Variants in PCDH9 observed in about 807,000 individuals in gnomAD.
PCDH9 encodes the protein protocadherin 9, also known as protocadherin-9.
PCDH9 carries 24 observed loss-of-function variants against 70.6 expected under a neutral mutation model. The observed-to-expected ratio is 0.34, with a 90% CI of 0.25 to 0.48. The LOEUF (loss-of-function observed/expected upper bound fraction) is 0.48, where lower values mean the gene tolerates loss of function less well. Ranked by LOEUF, PCDH9 falls within the 20% of genes least tolerant of loss-of-function variation. The probability of loss-of-function intolerance (pLI) is 0.99; values close to 1 mark genes in which losing one functional copy is unlikely to be tolerated. For missense variants in PCDH9, 1,281 were observed against 1,503.6 expected (o/e 0.85, Z 2.45); for synonymous variants, 562 against 558.5 (o/e 1.01, Z -0.09).
At chr13:66,422,887 A>G (rs1325231707) in intron 4 of PCDH9, among the ~76,000 whole-genome samples, 1 of 152,102 alleles carries the variant, frequency 6.6e-6, no homozygotes, top group East Asian at 1.9e-4. Context: ...TTTGAAAAAG[A>G]TTAACAAAAT....
chr13:66,695,599 T>C (rs2078551280), intron 3 of PCDH9, among the ~76,000 whole-genome samples: 1 of 152,224 alleles, frequency 6.6e-6, no homozygotes, highest in African/African-American at 2.4e-5. Context: ...TCAGTTTAGA[T>C]ACTGTGCTAT....
chr13:66,654,798 T>G (rs1001490407), intron 3 of PCDH9, among the ~76,000 whole-genome samples: 1 of 152,120 alleles, frequency 6.6e-6, no homozygotes, highest in Non-Finnish European at 1.5e-5. Flanking sequence ...GCCTTTGACC[T>G]CTTGAGTTCA....
chr13:67,159,056 A>C (rs1352889238), intron 2 of PCDH9, among the ~76,000 whole-genome samples: 1 of 152,170 alleles, frequency 6.6e-6, no homozygotes, highest in African/African-American at 2.4e-5. Flanking sequence ...AGAACCATAA[A>C]AGGAGATGCT....
At chr13:66,544,909 A>G (rs758130224) in intron 4 of PCDH9, among the ~76,000 whole-genome samples, 1 of 152,062 alleles carries the variant, frequency 6.6e-6, no homozygotes, top group Non-Finnish European at 1.5e-5. Context: ...ATCTTGTTTT[A>G]CTCAGCAGGG....
intron 4 of PCDH9, among the ~76,000 whole-genome samples, chr13:66,573,855 A>G (rs2076773235): frequency 6.6e-6 from 1 of 152,068 alleles, no homozygotes; most frequent in South Asian, 2.1e-4. Context: ...CCATCCCACT[A>G]TCGGGTTCTT....
At chr13:66,697,097 CAAA>C (rs1437747009) in intron 3 of PCDH9, among the ~76,000 whole-genome samples, 3 of 151,774 alleles carry the variant, frequency 2.0e-5, no homozygotes, top group Admixed American at 2.0e-4. Context: ...AACCCTACCT[CAAA>C]AATATTTTTA....
chr13:66,856,948 T>A (rs1007922803), intron 3 of PCDH9, among the ~76,000 whole-genome samples: 3 of 152,056 alleles, frequency 2.0e-5, no homozygotes, highest in Non-Finnish European at 4.4e-5. Flanking sequence ...TTTTTTCATA[T>A]AAAAATAAAG....
At chr13:66,341,998 T>C (rs983505715) in intron 4 of PCDH9, among the ~76,000 whole-genome samples, 7 of 152,174 alleles carry the variant, frequency 4.6e-5, no homozygotes, top group Admixed American at 4.6e-4. Flanking sequence ...AAAAGAGAAG[T>C]CTTGCCTCTT....
At chr13:66,711,971 C>A (rs2078800844) in intron 3 of PCDH9, among the ~76,000 whole-genome samples, 1 of 152,114 alleles carries the variant, frequency 6.6e-6, no homozygotes. Context: ...TTGCATGATC[C>A]CTTTCCAGCT....
At chr13:66,559,923 A>G (rs1245219599) in intron 4 of PCDH9, among the ~76,000 whole-genome samples, 1 of 151,278 alleles carries the variant, frequency 6.6e-6, no homozygotes, top group African/African-American at 2.4e-5. Context: ...ACTTCACCAT[A>G]CTGTATTTTC....
intron 3 of PCDH9, among the ~76,000 whole-genome samples, chr13:66,740,209 T>G (rs899139084): frequency 1.4e-5 from 2 of 141,482 alleles, no homozygotes; most frequent in African/African-American, 5.3e-5. Context: ...CTCAACTACA[T>G]GGAAACTGAA....
chr13:66,912,918 G>C (rs1037481165), intron 2 of PCDH9, among the ~76,000 whole-genome samples: 1 of 151,936 alleles, frequency 6.6e-6, no homozygotes, highest in Non-Finnish European at 1.5e-5. Flanking sequence ...CTAGTATTTT[G>C]GTTATATTTC....
intron 2 of PCDH9, among the ~76,000 whole-genome samples, chr13:67,141,613 G>C (rs1380015243): frequency 2.0e-5 from 3 of 151,654 alleles, no homozygotes; most frequent in Non-Finnish European, 4.4e-5. Flanking sequence ...GCTAATTTTT[G>C]TATTTCCATT....
At chr13:66,422,222 A>G (rs1957580064) in intron 4 of PCDH9, among the ~76,000 whole-genome samples, 1 of 152,104 alleles carries the variant, frequency 6.6e-6, no homozygotes, top group South Asian at 2.1e-4. Flanking sequence ...AGACTTTAAC[A>G]CCCCACTGTC....
intron 4 of PCDH9, among the ~76,000 whole-genome samples, chr13:66,530,299 A>G (rs1383923488): frequency 6.6e-6 from 1 of 151,968 alleles, no homozygotes; most frequent in East Asian, 1.9e-4. Context: ...AGACTTCATT[A>G]TTTTTCGACA....
At chr13:66,954,795 G>A (rs908848880) in intron 2 of PCDH9, among the ~76,000 whole-genome samples, 2 of 152,118 alleles carry the variant, frequency 1.3e-5, no homozygotes, top group African/African-American at 2.4e-5. Flanking sequence ...ACGGAGTCTC[G>A]CTCTGTCACC....
chr13:66,393,110 G>A (rs1369992435), intron 4 of PCDH9, among the ~76,000 whole-genome samples: 2 of 152,108 alleles, frequency 1.3e-5, no homozygotes, highest in Non-Finnish European at 2.9e-5. Flanking sequence ...AGACTTCACT[G>A]TTCTAAGTGT....
At chr13:66,777,539 A>G (rs979422940) in intron 3 of PCDH9, among the ~76,000 whole-genome samples, 2 of 152,230 alleles carry the variant, frequency 1.3e-5, no homozygotes, top group Non-Finnish European at 2.9e-5. Context: ...AATGCTCACC[A>G]TCACTGGCCA....
intron 4 of PCDH9, among the ~76,000 whole-genome samples, chr13:66,361,199 G>T (rs1194481930): frequency 6.6e-6 from 1 of 152,086 alleles, no homozygotes; most frequent in Admixed American, 6.6e-5. Context: ...AGGAAGAGTT[G>T]TGCACTAATC....
Sources: gnomAD v4.1 joint callset for allele counts (sites outside exome capture counted in the v4.1 genomes callset) on GRCh38, gnomAD v4.1.1 for gene constraint, MANE v1.5 for transcripts, NCBI Gene and HGNC (gene_info 2026-07-23, HGNC 2026-07-21) for gene names.